The following OGG1 variants were observed in gnomAD, a reference collection of about 807,000 sequenced individuals.
OGG1 encodes 8-oxoguanine DNA glycosylase.
OGG1 carries 35 observed loss-of-function variants against 42.3 expected under a neutral mutation model. The observed-to-expected ratio is 0.83, with a 90% confidence interval of 0.63 to 1.10. The LOEUF is 1.10. Ranked by LOEUF, OGG1 falls within the 50% of genes least tolerant of loss-of-function variation. OGG1 has a pLI of 0.00. For synonymous variants in OGG1, 189 were observed against 179.0 expected (o/e 1.06, Z -0.44); for missense variants, 484 against 446.7 (o/e 1.08, Z -0.75).
At chr3:9,780,580 TCA>T (rs758193148) in intron 2 of OGG1, 1 of 1,583,396 alleles carries the variant, frequency 6.3e-7, no homozygotes, top group Non-Finnish European at 8.5e-7. Flanking sequence ...GGTGCCAGGG[TCA>T]GCCCACCTCC....
At chr3:9,753,469 G>A (rs924657466) in intron 3 of OGG1, among the ~76,000 whole-genome samples, 4 of 152,016 alleles carry the variant, frequency 2.6e-5, no homozygotes, top group African/African-American at 7.2e-5. Context: ...TGCCTAATAC[G>A]GTGAAACCCC....
intron 2 of OGG1, among the ~76,000 whole-genome samples, chr3:9,778,807 C>T (rs1158735211): frequency 6.6e-6 from 1 of 152,164 alleles, no homozygotes; most frequent in Non-Finnish European, 1.5e-5. Context: ...GTCATGTGTG[C>T]ACCCTAGTTT....
intron 7 of OGG1, among the ~76,000 whole-genome samples, chr3:9,765,455 C>T (rs142164589): frequency 6.6e-6 from 1 of 152,094 alleles, no homozygotes; most frequent in Non-Finnish European, 1.5e-5. Flanking sequence ...AGAGACAACA[C>T]CAACTGAGAT....
intron 7 of OGG1, chr3:9,763,203 G>A (rs757766232): frequency 1.2e-6 from 2 of 1,613,876 alleles, no homozygotes; most frequent in East Asian, 4.5e-5. Flanking sequence ...ACAATGTTGG[G>A]GTGCTTGATC....
intron 4 of OGG1, among the ~76,000 whole-genome samples, chr3:9,756,104 G>C (rs2077538968): frequency 6.6e-6 from 1 of 152,098 alleles, no homozygotes; most frequent in South Asian, 2.1e-4. Context: ...ATCACTTGAG[G>C]TCAGGAGTTC....
At chr3:9,759,970 C>T (rs1363824882), downstream of OGG1, 4 of 590,706 alleles carry the variant, frequency 6.8e-6, no homozygotes, top group Non-Finnish European at 1.2e-5. Flanking sequence ...TGGCCGGGCA[C>T]AGTGGCTCAT....
At chr3:9,781,833 C>CT (rs35246642) in intron 3 of OGG1, among the ~76,000 whole-genome samples, 2,086 of 86,862 alleles carry the variant, frequency 0.024, 64 homozygotes, top group African/African-American at 0.046. Flanking sequence ...CCCATTACTT[C>CT]TTTTTTTTTT....
At chr3:9,765,709 G>A in intron 7 of OGG1, 1 of 1,597,508 alleles carries the variant, frequency 6.3e-7, no homozygotes, top group Non-Finnish European at 8.5e-7. Flanking sequence ...GAGGATGGGA[G>A]GGCCAAGGCA....
chr3:9,787,415 C>T (rs774609510), intron 3 of OGG1: 3 of 1,525,864 alleles, frequency 2.0e-6, no homozygotes, highest in Non-Finnish European at 2.6e-6. Flanking sequence ...ATTCACTTAC[C>T]TATCTTATAT....
downstream of OGG1, among the ~76,000 whole-genome samples, chr3:9,788,549 T>C (rs888419840): frequency 4.0e-5 from 6 of 151,672 alleles, no homozygotes; most frequent in Non-Finnish European, 7.4e-5. Flanking sequence ...CCGGCTTTTT[T>C]TTTTTTAATG....
At chr3:9,780,245 T>G in intron 2 of OGG1, 1 of 1,177,100 alleles carries the variant, frequency 8.5e-7, no homozygotes, top group Middle Eastern at 2.7e-4. Context: ...CTCTAGAGAC[T>G]GCCGCCATTT....
chr3:9,761,965 CTCT>C (rs1395072227), downstream of OGG1: 15 of 623,240 alleles, frequency 2.4e-5, no homozygotes, highest in Non-Finnish European at 3.8e-5. Flanking sequence ...GGGGAACTGT[CTCT>C]AAACCTCAGG....
At chr3:9,761,358 GGGAA>G (rs1166195471), downstream of OGG1, 3 of 1,161,008 alleles carry the variant, frequency 2.6e-6, no homozygotes, top group Admixed American at 2.3e-5. Flanking sequence ...AAGGGAGGGA[GGGAA>G]GGAAGGGAGG....
chr3:9,782,175 T>G (rs1237761403), intron 3 of OGG1, among the ~76,000 whole-genome samples: 1 of 152,130 alleles, frequency 6.6e-6, no homozygotes, highest in East Asian at 1.9e-4. Flanking sequence ...TGCCTGCTTT[T>G]CTCTCTCTTC....
At chr3:9,750,737 C>G (rs762305529) in intron 1 of OGG1, 3 of 730,316 alleles carry the variant, frequency 4.1e-6, no homozygotes, top group African/African-American at 1.8e-5. Flanking sequence ...CGCAGCCTCC[C>G]GAGTAGCTGG....
downstream of OGG1, chr3:9,766,763 A>G (rs1042518792): frequency 8.3e-5 from 33 of 395,394 alleles, no homozygotes; most frequent in African/African-American, 6.8e-4. Context: ...TGAAATTTCA[A>G]TCCTCAGGGA....
chr3:9,785,306 C>T (rs1203864504), intron 3 of OGG1: 2 of 1,606,774 alleles, frequency 1.2e-6, no homozygotes, highest in Non-Finnish European at 1.7e-6. Flanking sequence ...GTGGATAGGA[C>T]ACCACTCACC....
At chr3:9,774,658 AT>A in intron 2 of OGG1, among the ~76,000 whole-genome samples, 1 of 152,322 alleles carries the variant, frequency 6.6e-6, no homozygotes, top group South Asian at 2.1e-4. Context: ...AACACAGGAC[AT>A]TTTGTATCTC....
At chr3:9,767,551 G>A, downstream of OGG1, 4 of 1,352,100 alleles carry the variant, frequency 3.0e-6, no homozygotes, top group Non-Finnish European at 4.2e-6. Flanking sequence ...GCCCTAGATA[G>A]TGCTGCCACA....
Sources: gnomAD v4.1 joint callset for allele counts (sites outside exome capture counted in the v4.1 genomes callset) on GRCh38, gnomAD v4.1.1 for gene constraint, MANE v1.5 for transcripts, NCBI Gene and HGNC (gene_info 2026-07-23, HGNC 2026-07-21) for gene names.